The following CSMD3 variants were observed in gnomAD, a reference collection of about 807,000 sequenced individuals.
The protein encoded by CSMD3 is CUB and sushi domain-containing protein 3.
In CSMD3, 177 loss-of-function variants were observed where a neutral mutation model predicts 435.2. The observed-to-expected ratio is 0.41, with a 90% confidence interval of 0.36 to 0.46. The LOEUF is 0.46. Among genes scored for constraint, CSMD3 ranks in the 20% least tolerant of loss-of-function variants. The pLI, the probability that CSMD3 is intolerant of heterozygous loss-of-function variation, is 0.34. For synonymous variants in CSMD3, 1,656 were observed against 1,520.5 expected, an observed-to-expected ratio of 1.09 and a Z score of -2.07; for missense variants, 4,265 against 4,504.6, an observed-to-expected ratio of 0.95 and a Z score of 1.52.
chr8:113,195,316 C>T (rs1459279367), intron 3 of CSMD3, among the ~76,000 whole-genome samples: 2 of 149,136 alleles, frequency 1.3e-5, no homozygotes, highest in Non-Finnish European at 3.0e-5. Flanking sequence ...GGAACAGAAG[C>T]AGACTATTGA....
intron 5 of CSMD3, among the ~76,000 whole-genome samples, chr8:113,060,314 G>T (rs1262345838): frequency 1.3e-5 from 2 of 148,344 alleles, no homozygotes; most frequent in African/African-American, 5.0e-5. Flanking sequence ...TCCCTACAAA[G>T]GATATGAACT....
chr8:112,587,693 T>A (rs1284244780), intron 22 of CSMD3, among the ~76,000 whole-genome samples: 3 of 151,778 alleles, frequency 2.0e-5, no homozygotes, highest in Admixed American at 1.3e-4. Flanking sequence ...TACTCAGTAT[T>A]CCGCTGACAC....
At chr8:113,334,864 G>A (rs1328935021) in intron 1 of CSMD3, among the ~76,000 whole-genome samples, 1 of 151,996 alleles carries the variant, frequency 6.6e-6, no homozygotes, top group African/African-American at 2.4e-5. Context: ...TATTAATAGT[G>A]TGCCTTTCAT....
chr8:112,682,558 C>A lies in CSMD3; in HGVS notation c.2561G>T (p.Ser854Ile). The stretch of plus-strand genomic sequence containing the variant: ...TTCTTCACAAATAACTGAAATTGAA[C>A]TTCCTAATTGAAAGTTGTCCCCAAA... ...RRFGDNFQLG[S>I]SISVICEEGF... Residue 854 changes from serine to isoleucine, a missense_variant, in exon 16 of 71, where the codon AGT becomes ATT. Physicochemically the swap from Ser to Ile is moderately radical, Grantham distance 142. Around this residue, in one of 3 missense-constraint regions of CSMD3, gnomAD observed 279 missense variants for 369.0 expected, o/e 0.76. Coordinates refer to ENST00000297405, the MANE Select transcript of CSMD3 (RefSeq NM_198123.2). The A allele has an allele frequency of 6.2e-7, 1 of 1,613,666 alleles. No homozygotes were observed. The highest frequency in any genetic ancestry group is 1.3e-5 in the African/African-American group (1 of 75,034).
chr8:112,845,337 A>T (rs549453717), intron 11 of CSMD3, among the ~76,000 whole-genome samples: 36 of 152,166 alleles, frequency 2.4e-4, no homozygotes, highest in Admixed American at 5.9e-4. Context: ...TGGGTCAGTT[A>T]TGCAGAGTAA....
intron 2 of CSMD3, among the ~76,000 whole-genome samples, chr8:113,280,223 A>G (rs1448724791): frequency 2.0e-5 from 3 of 151,830 alleles, no homozygotes; most frequent in Non-Finnish European, 2.9e-5. Flanking sequence ...GTCTTGTGGA[A>G]TAGTGTCAAA....
intron 7 of CSMD3, among the ~76,000 whole-genome samples, chr8:112,965,432 G>T (rs972591371): frequency 2.6e-5 from 4 of 151,744 alleles, no homozygotes; most frequent in Non-Finnish European, 5.9e-5. Context: ...CAAGATATCT[G>T]ATTAACGGTT....
intron 1 of CSMD3, among the ~76,000 whole-genome samples, chr8:113,411,615 C>A (rs1242599753): frequency 6.6e-6 from 1 of 152,134 alleles, no homozygotes; most frequent in African/African-American, 2.4e-5. Flanking sequence ...AGGACCCAAT[C>A]CTTATTAAAT....
chr8:112,725,771 T>C (rs541251577), intron 13 of CSMD3, among the ~76,000 whole-genome samples: 1 of 152,000 alleles, frequency 6.6e-6, no homozygotes, highest in East Asian at 1.9e-4. Context: ...AGTTATGAAG[T>C]TTGAATTAAT....
At chr8:113,019,231 A>C (rs1272804794) in intron 5 of CSMD3, 52 bp from the exon 6 acceptor site, 1 of 1,221,840 alleles carries the variant, frequency 8.2e-7, no homozygotes, top group Non-Finnish European at 1.2e-6. Flanking sequence ...TTCAGCAGTA[A>C]ACGTTTTCAC....
Position 113,259,614 on chromosome 8 carries a change from A to G in CSMD3, c.514+18978T>C, listed in dbSNP as rs140846448. Among the ~76,000 whole-genome samples, 4 of 152,282 alleles carry G rather than the reference A, an allele frequency of 2.6e-5. No homozygotes were observed. The East Asian group carries it at 7.7e-4, about 29-fold the overall frequency. ...CCAAAACTGAGCACTATGCCATTCT[A>G]ATATCTAGAAATAAAAAGCAGGAGG... On this transcript the variant is annotated intron_variant, in intron 3 of 70. Coordinates refer to ENST00000297405, the MANE Select transcript of CSMD3 (RefSeq NM_198123.2).
chr8:113,205,488 C>A (rs2092760586), intron 3 of CSMD3, among the ~76,000 whole-genome samples: 1 of 152,140 alleles, frequency 6.6e-6, no homozygotes, highest in Admixed American at 6.5e-5. Flanking sequence ...TAGGCTATAT[C>A]ATACAGCCTA....
intron 4 of CSMD3, among the ~76,000 whole-genome samples, chr8:113,121,274 T>A (rs1393912820): frequency 2.6e-5 from 4 of 152,074 alleles, no homozygotes; most frequent in Non-Finnish European, 5.9e-5. Context: ...CACAATCAAC[T>A]GTGTTAAATA....
At chr8:113,367,291 T>A (rs1275977793) in intron 1 of CSMD3, among the ~76,000 whole-genome samples, 3 of 152,028 alleles carry the variant, frequency 2.0e-5, no homozygotes, top group Non-Finnish European at 4.4e-5. Context: ...GAATAACATA[T>A]TCTTTTTTAT....
chr8:112,255,171 G>T (rs907715442), intron 62 of CSMD3, 83 bp downstream of exon 62: 1 of 1,175,400 alleles, frequency 8.5e-7, no homozygotes, highest in Non-Finnish European at 1.3e-6. Context: ...CCAACTATAG[G>T]TTATAGGATA....
intron 5 of CSMD3, among the ~76,000 whole-genome samples, chr8:113,064,407 T>C (rs1230647950): frequency 6.6e-6 from 1 of 152,072 alleles, no homozygotes; most frequent in Admixed American, 6.6e-5. Flanking sequence ...ATTTAACATG[T>C]TCACAGAGCA....
chr8:112,640,383 A>C (rs75685009), intron 20 of CSMD3, among the ~76,000 whole-genome samples: 2,040 of 152,150 alleles, frequency 0.013, 43 homozygotes, highest in African/African-American at 0.048. Context: ...ATTCATTTAC[A>C]TTTTAGTTCC....
rs199936580 is a variant in CSMD3 at position 112,707,486 on chromosome 8, GA to G, written c.1973-17437del. Among the ~76,000 whole-genome samples the G allele has an allele frequency of 7.2e-4, 108 of 150,788 alleles. 2 individuals are homozygous for G. The highest frequency in any genetic ancestry group is 1.8e-3 in the African/African-American group (74 of 41,038). ...GGTGGTAGTGGTGGTGGTGCGGCGGGAGGGGGGTGGTTCCTAGATGAATGGG... is the reference window on the plus strand; with the variant it reads ...GGTGGTAGTGGTGGTGGTGCGGCGGGGGGGGGTGGTTCCTAGATGAATGGG... On this transcript the variant is annotated intron_variant, in intron 13 of 70. Coordinates refer to ENST00000297405, the MANE Select transcript of CSMD3 (RefSeq NM_198123.2).
intron 11 of CSMD3, among the ~76,000 whole-genome samples, chr8:112,832,061 T>A (rs546402618): frequency 6.6e-6 from 1 of 152,280 alleles, no homozygotes; most frequent in South Asian, 2.1e-4. Flanking sequence ...TAGGACTTAC[T>A]TATCTACTCA....
Sources: gnomAD v4.1 joint callset for allele counts (sites outside exome capture counted in the v4.1 genomes callset) on GRCh38, gnomAD v4.1.1 for gene constraint, gnomAD v4.1.1 regional missense constraint, MANE v1.5 for transcripts, NCBI Gene and HGNC (gene_info 2026-07-23, HGNC 2026-07-21) for gene names.